The following DMC1 variants were observed in gnomAD, a reference collection of about 807,000 sequenced individuals.
The protein encoded by DMC1 is DNA meiotic recombinase 1.
A neutral mutation model predicts 50.1 loss-of-function variants in DMC1; 27 were observed. The observed-to-expected ratio is 0.54, with a 90% CI of 0.40 to 0.74. The LOEUF (loss-of-function observed/expected upper bound fraction) is 0.74. Among genes scored for constraint, DMC1 ranks in the 30% least tolerant of loss-of-function variants. The pLI is 0.00. For synonymous variants in DMC1, 148 were observed against 136.1 expected (o/e 1.09, Z -0.61); for missense variants, 295 against 420.2 (o/e 0.70, Z 2.60).
chr22:38,553,729 C>T (rs944928272), intron 6 of DMC1, among the ~76,000 whole-genome samples: 9 of 151,024 alleles, frequency 6.0e-5, no homozygotes, highest in East Asian at 2.0e-4. Context: ...GAGGCCGAGG[C>T]GGGCAGGCTG....
At chr22:38,532,811 G>T (rs796198940) in intron 12 of DMC1, among the ~76,000 whole-genome samples, 5 of 150,882 alleles carry the variant, frequency 3.3e-5, no homozygotes, top group African/African-American at 7.3e-5. Flanking sequence ...TAGAGACGAG[G>T]TCTGTCTATG....
At chr22:38,520,723 C>T (rs1390883559) in intron 13 of DMC1, among the ~76,000 whole-genome samples, 2 of 152,036 alleles carry the variant, frequency 1.3e-5, no homozygotes, top group Non-Finnish European at 2.9e-5. Flanking sequence ...TTATCTGATT[C>T]TATAGGGGTA....
At chr22:38,536,523 G>A (rs1395695690) in intron 12 of DMC1, among the ~76,000 whole-genome samples, 1 of 152,142 alleles carries the variant, frequency 6.6e-6, no homozygotes, top group Non-Finnish European at 1.5e-5. Context: ...AATATGCCTA[G>A]TGTGAACTGA....
At chr22:38,565,624 G>C (rs1338659837) in intron 4 of DMC1, among the ~76,000 whole-genome samples, 1 of 152,248 alleles carries the variant, frequency 6.6e-6, no homozygotes, top group Non-Finnish European at 1.5e-5. Flanking sequence ...GTACTGGGCT[G>C]CTTCAACAAA....
the DMC1 span, among the ~76,000 whole-genome samples, chr22:38,509,165 C>T: frequency 6.6e-6 from 1 of 152,104 alleles, no homozygotes; most frequent in Non-Finnish European, 1.5e-5. Flanking sequence ...CCTTTGTCAT[C>T]AACTTTTATT....
chr22:38,526,271 C>T (rs532757104), intron 12 of DMC1, among the ~76,000 whole-genome samples: 6 of 151,530 alleles, frequency 4.0e-5, no homozygotes, highest in Admixed American at 6.6e-5. Flanking sequence ...ATGCCGTGAT[C>T]GCGGCTCATT....
chr22:38,539,392 TC>T lies in DMC1; in HGVS notation c.514del (p.Asp172ThrfsTer8). 2.5e-6 allele frequency: 4 copies of T among 1,613,980 alleles called. No homozygotes were observed. Among genetic ancestry groups the T allele is most frequent in the Non-Finnish European group, 3.4e-6 (4 of 1,179,906 alleles). On this transcript the variant is annotated frameshift_variant, in exon 9 of 14. Coordinates refer to ENST00000216024, the MANE Select transcript of DMC1 (RefSeq NM_007068.4). LOFTEE classifies it high-confidence loss of function. ...ENTFRPDRLR[D>X]IADRFNVDHD... ...GTCTACATTAAAGCGATCAGCAATG[TC>T]CCTAAGGCGATCTGGACGGCTGGAG...
downstream of DMC1, among the ~76,000 whole-genome samples, chr22:38,514,466 T>A (rs190078228): frequency 1.2e-4 from 18 of 151,870 alleles, no homozygotes; most frequent in East Asian, 2.7e-3. Flanking sequence ...ATCGTCTAGA[T>A]CTCCTGACCT....
intron 8 of DMC1, among the ~76,000 whole-genome samples, chr22:38,541,057 C>T (rs1400546248): frequency 3.9e-5 from 6 of 151,964 alleles, no homozygotes; most frequent in Non-Finnish European, 5.9e-5. Context: ...TAGGATTAAA[C>T]GAGTTTTACT....
chr22:38,524,735 C>G (rs1002120687), intron 12 of DMC1, among the ~76,000 whole-genome samples: 5 of 152,148 alleles, frequency 3.3e-5, no homozygotes, highest in Non-Finnish European at 7.3e-5. Context: ...TTCCCTGAAA[C>G]AGTAGAAAAC....
Position 38,567,597 on chromosome 22 carries a change from G to A in DMC1, c.82C>T (p.Gln28Ter). Reference protein sequence around the residue: ...ESLFQDIDLLQKHGINVADIK... With the variant: ...ESLFQDIDLL ...AAACTACTTACAATTCCATGTTTCT[G>A]TAACAGGTCAATATCTTGAAACAAA... Residue 28 changes from glutamine (Q) to a stop codon, truncating the protein, a stop_gained, in exon 3 of 14, where the codon CAG (glutamine) becomes TAG (stop). Transcript: ENST00000216024. LOFTEE classifies it high-confidence loss of function. 6.2e-7 allele frequency: 1 copy of A among 1,610,304 alleles called. No individual in the cohort carries two copies. The highest frequency in any genetic ancestry group is 8.5e-7 in the Non-Finnish European group (1 of 1,176,526).
chr22:38,561,635 G>A (rs1383397505), intron 5 of DMC1, among the ~76,000 whole-genome samples: 2 of 152,144 alleles, frequency 1.3e-5, no homozygotes, highest in East Asian at 1.9e-4. Context: ...TCAATTAGAC[G>A]TTCAAGTGGA....
At chr22:38,510,404 A>C in the DMC1 span, among the ~76,000 whole-genome samples, 1 of 152,182 alleles carries the variant, frequency 6.6e-6, no homozygotes, top group Non-Finnish European at 1.5e-5. Context: ...GCAGTGACCC[A>C]AGATGGCACC....
At chr22:38,538,260 A>G (rs1459726695) in intron 11 of DMC1, 35 bp downstream of exon 11, 2 of 1,542,810 alleles carry the variant, frequency 1.3e-6, no homozygotes, top group South Asian at 1.1e-5. Flanking sequence ...CTTGACAAAC[A>G]TAGTCACAGA....
At chr22:38,534,137 T>A (rs1196972966) in intron 12 of DMC1, among the ~76,000 whole-genome samples, 1 of 152,192 alleles carries the variant, frequency 6.6e-6, no homozygotes, top group Middle Eastern at 3.2e-3. Flanking sequence ...TGTTCTTCAA[T>A]TGATCCTGAA....
intron 12 of DMC1, among the ~76,000 whole-genome samples, chr22:38,535,192 A>C (rs1455679063): frequency 6.7e-6 from 1 of 148,750 alleles, no homozygotes; most frequent in Non-Finnish European, 1.5e-5. Context: ...CCAGCTACTC[A>C]GGAGGCTGAG....
Position 38,567,612 on chromosome 22 carries a change from C to G in DMC1, c.67G>C (p.Asp23His), listed in dbSNP as rs1337622850. Reference sequence around the variant, plus strand: ...CCATGTTTCTGTAACAGGTCAATATCTTGAAACAAAGATTCCTAAAGGAGA... The same window carrying G: ...CCATGTTTCTGTAACAGGTCAATATGTTGAAACAAAGATTCCTAAAGGAGA... ...FQDEEESLFQ[D>H]IDLLQKHGIN... Residue 23 changes from aspartate to histidine, a missense_variant, in exon 3 of 14, where the codon GAT (aspartate) becomes CAT (histidine). Transcript: ENST00000216024. The G allele has an allele frequency of 1.9e-6, 3 of 1,609,704 alleles. No individual in the cohort carries two copies. Among genetic ancestry groups the G allele is most frequent in the Non-Finnish European group, 2.6e-6 (3 of 1,175,984 alleles).
intron 12 of DMC1, among the ~76,000 whole-genome samples, chr22:38,531,996 CA>C (rs1284222298): frequency 3.9e-5 from 6 of 152,092 alleles, no homozygotes; most frequent in Admixed American, 3.9e-4. Context: ...TCTAGAGTGA[CA>C]GTTTTGGCCT....
downstream of DMC1, among the ~76,000 whole-genome samples, chr22:38,514,739 G>A (rs2089964503): frequency 6.6e-6 from 1 of 152,098 alleles, no homozygotes; most frequent in South Asian, 2.1e-4. Context: ...CGCCATGACA[G>A]TTTACAAATG....
Sources: gnomAD v4.1 joint callset for allele counts (sites outside exome capture counted in the v4.1 genomes callset) on GRCh38, gnomAD v4.1.1 for gene constraint, MANE v1.5 for transcripts, NCBI Gene and HGNC (gene_info 2026-07-23, HGNC 2026-07-21) for gene names.